MON2: variants seen among roughly 807,000 people sequenced by gnomAD.
The protein encoded by MON2 is protein MON2 homolog.
A neutral mutation model predicts 208.6 loss-of-function variants in MON2; 84 were observed. The ratio of observed to expected loss-of-function variants is 0.40; its 90% confidence interval spans 0.34 to 0.48. The LOEUF (loss-of-function observed/expected upper bound fraction) is 0.48, where lower values mean the gene tolerates loss of function less well. Ranked by LOEUF, MON2 falls within the 20% of genes least tolerant of loss-of-function variation. The pLI is 0.59. For missense variants in MON2, 1,611 were observed against 2,015.4 expected, an observed-to-expected ratio of 0.80 and a Z score of 3.84; for synonymous variants, 660 against 694.0, an observed-to-expected ratio of 0.95 and a Z score of 0.77.
intron 2 of MON2, among the ~76,000 whole-genome samples, chr12:62,493,501 TGTG>T (rs2070295758): frequency 6.6e-6 from 1 of 152,226 alleles, no homozygotes; most frequent in African/African-American, 2.4e-5. Flanking sequence ...TTACAAGTAT[TGTG>T]GGGATGATGT....
At chr12:62,492,633 A>G (rs2070223442) in intron 2 of MON2, among the ~76,000 whole-genome samples, 1 of 145,414 alleles carries the variant, frequency 6.9e-6, no homozygotes. Flanking sequence ...GGCCTCCCAA[A>G]GTGCTGGGAT....
chr12:62,562,708 C>T (rs551253577), intron 26 of MON2, among the ~76,000 whole-genome samples: 2 of 152,144 alleles, frequency 1.3e-5, no homozygotes, highest in Admixed American at 6.5e-5. Context: ...TAATAGTTAT[C>T]GAGCAAAACA....
chr12:62,584,833 A>G (rs2075143219), intron 32 of MON2, among the ~76,000 whole-genome samples: 2 of 151,964 alleles, frequency 1.3e-5, no homozygotes, highest in Admixed American at 6.6e-5. Context: ...CTAGAGAGCA[A>G]CTGCCGGACT....
intron 2 of MON2, among the ~76,000 whole-genome samples, chr12:62,485,940 G>A (rs1394934215): frequency 6.6e-6 from 1 of 152,110 alleles, no homozygotes; most frequent in East Asian, 1.9e-4. Flanking sequence ...CTGACCTCGG[G>A]GTTCTCCCGC....
chr12:62,515,585 G>T (rs1164918853), intron 8 of MON2, among the ~76,000 whole-genome samples: 1 of 152,144 alleles, frequency 6.6e-6, no homozygotes, highest in African/African-American at 2.4e-5. Flanking sequence ...TAAGGCCAAG[G>T]TGGATGGATC....
At position 62,521,066 on chromosome 12, in the gene MON2, C is replaced by T. The variant is rs1031091811; in HGVS notation, c.985-3449C>T. Among the ~76,000 whole-genome samples, 13 of 151,426 alleles carry T rather than the reference C, an allele frequency of 8.6e-5. No individual in the cohort carries two copies. The South Asian group carries it at 2.5e-3, about 29-fold the overall frequency. On this transcript the variant is annotated intron_variant, in intron 8 of 34. Transcript: ENST00000393630. The stretch of plus-strand genomic sequence containing the variant: ...CATTGCCCAGGTTGGAGTGCAGTGG[C>T]GCGATCTCGGCTCACTGCAACCTCT...
At chr12:62,488,121 A>G (rs2069903190) in intron 2 of MON2, among the ~76,000 whole-genome samples, 3 of 152,120 alleles carry the variant, frequency 2.0e-5, no homozygotes, top group African/African-American at 7.2e-5. Flanking sequence ...ACCTCTCTTT[A>G]ATTTTACGTG....
intron 8 of MON2, among the ~76,000 whole-genome samples, chr12:62,512,022 A>G (rs1410670701): frequency 6.6e-6 from 1 of 152,138 alleles, no homozygotes; most frequent in East Asian, 1.9e-4. Flanking sequence ...AGATCTTGTG[A>G]GACTTACTAT....
chr12:62,510,043 A>C (rs2071314941), intron 8 of MON2, among the ~76,000 whole-genome samples: 1 of 152,192 alleles, frequency 6.6e-6, no homozygotes, highest in Non-Finnish European at 1.5e-5. Flanking sequence ...ATTATGTGCC[A>C]ACAAATTGGA....
chr12:62,538,478 A>G lies in MON2; in HGVS notation c.2337A>G (p.Ala779=). 1 of 1,607,474 alleles carries G rather than the reference A, an allele frequency of 6.2e-7. No homozygotes were observed. Among genetic ancestry groups the G allele is most frequent in the Non-Finnish European group, 8.5e-7 (1 of 1,174,412 alleles). ...CACTTTGCTCCTTGTCTCTAGAAGC[A>G]ATGGATATGGCCTATGGAAATAATA... ...INALCSLSLE[A]MDMAYGNNKE... Residue 779 remains alanine (A), a synonymous_variant, in exon 19 of 35, where the codon GCA becomes GCG. Transcript: ENST00000393630.
At chr12:62,533,187 A>G (rs769762465) in intron 12 of MON2, among the ~76,000 whole-genome samples, 42 of 152,234 alleles carry the variant, frequency 2.8e-4, no homozygotes, top group Non-Finnish European at 4.7e-4. Flanking sequence ...TTTTGACAGG[A>G]CTGGCACAGA....
intron 34 of MON2, among the ~76,000 whole-genome samples, chr12:62,591,353 C>G (rs1030201836): frequency 6.6e-6 from 1 of 152,144 alleles, no homozygotes; most frequent in African/African-American, 2.4e-5. Flanking sequence ...TCACACCCAC[C>G]CTGAGGAAGC....
chr12:62,583,489 A>C (rs1478148280), intron 32 of MON2, among the ~76,000 whole-genome samples: 1 of 152,196 alleles, frequency 6.6e-6, no homozygotes, highest in Non-Finnish European at 1.5e-5. Flanking sequence ...CAAAGAAATA[A>C]ACTGAAGAAC....
chr12:62,501,137 CA>C (rs1565620847), intron 6 of MON2, among the ~76,000 whole-genome samples: 1 of 151,216 alleles, frequency 6.6e-6, no homozygotes, highest in East Asian at 1.9e-4. Flanking sequence ...ACTAGTCATA[CA>C]AAAAAAAGTT....
intron 21 of MON2, among the ~76,000 whole-genome samples, chr12:62,546,621 G>A (rs907047804): frequency 1.3e-5 from 2 of 152,084 alleles, no homozygotes; most frequent in African/African-American, 4.8e-5. Flanking sequence ...GGGCATGGTG[G>A]TGCATGCCTG....
chr12:62,578,638 A>G, intron 31 of MON2, 133 bp downstream of exon 31: 3 of 582,494 alleles, frequency 5.2e-6, no homozygotes, highest in Non-Finnish European at 8.8e-6. Context: ...AAACTCTTAC[A>G]GGTTAAACGT....
Position 62,544,884 on chromosome 12 carries a change from T to G in MON2, c.2467-14T>G, listed in dbSNP as rs1565668500. The G allele has an allele frequency of 6.2e-7, 1 of 1,600,542 alleles. No homozygotes were observed. Among genetic ancestry groups the G allele is most frequent in the South Asian group, 1.1e-5 (1 of 89,108 alleles). ...TTAAGTATACAAATTAAACTTAATTTTATATACCTTCAGGTCTGCCAGCAT... is the reference window on the plus strand; with the variant it reads ...TTAAGTATACAAATTAAACTTAATTGTATATACCTTCAGGTCTGCCAGCAT... On this transcript the variant is annotated splice_polypyrimidine_tract_variant and intron_variant, in intron 20 of 34. Coordinates refer to ENST00000393630, the MANE Select transcript of MON2 (RefSeq NM_015026.3).
chr12:62,475,284 T>A (rs1264269136), intron 1 of MON2, among the ~76,000 whole-genome samples: 1 of 152,104 alleles, frequency 6.6e-6, no homozygotes, highest in Non-Finnish European at 1.5e-5. Flanking sequence ...TTGCCCAGGC[T>A]GGAGTGTAGT....
At chr12:62,485,244 T>C (rs2069701005) in intron 2 of MON2, among the ~76,000 whole-genome samples, 1 of 152,242 alleles carries the variant, frequency 6.6e-6, no homozygotes, top group African/African-American at 2.4e-5. Flanking sequence ...GTTCCAGTAG[T>C]GCTGTTGATC....
Sources: gnomAD v4.1 joint callset for allele counts (sites outside exome capture counted in the v4.1 genomes callset) on GRCh38, gnomAD v4.1.1 for gene constraint, MANE v1.5 for transcripts, NCBI Gene and HGNC (gene_info 2026-07-23, HGNC 2026-07-21) for gene names.